ATP8B1: variants seen among roughly 807,000 people sequenced by gnomAD.
ATP8B1 encodes phospholipid-transporting ATPase IC.
A neutral mutation model predicts 149.9 loss-of-function variants in ATP8B1; 80 were observed. The observed-to-expected ratio is 0.53, with a 90% CI of 0.45 to 0.64. The LOEUF (loss-of-function observed/expected upper bound fraction) is 0.64. Ranked by LOEUF, ATP8B1 falls within the 30% of genes least tolerant of loss-of-function variation. The pLI is 0.00. For synonymous variants in ATP8B1, 536 were observed against 562.8 expected (o/e 0.95, Z 0.67); for missense variants, 1,247 against 1,552.6 (o/e 0.80, Z 3.31).
intron 1 of ATP8B1, among the ~76,000 whole-genome samples, chr18:57,776,590 G>A (rs2123396623): frequency 6.6e-6 from 1 of 151,156 alleles, no homozygotes; most frequent in South Asian, 2.1e-4. Flanking sequence ...AAAACAGCAA[G>A]CCCTTTTCTT....
Position 57,691,966 on chromosome 18 carries a change from C to A in ATP8B1, c.1061G>T (p.Gly354Val). 6.2e-7 allele frequency: 1 copy of A among 1,613,914 alleles called. No individual in the cohort carries two copies. The highest frequency in any genetic ancestry group is 8.5e-7 in the Non-Finnish European group (1 of 1,179,982). ...IFVVLILLSA[G>V]LAIGHAYWEA... ...CCAATAAGCATGGCCGATGGCAAGA[C>A]CAGCAGAAAGCAGAATAAGAACAAC... The change falls in exon 12 of 28, where the codon GGT (glycine) becomes GTT (valine). Residue 354 changes from glycine to valine, a missense_variant. Transcript: ENST00000648908.
intron 2 of ATP8B1, among the ~76,000 whole-genome samples, chr18:57,725,450 AC>A (rs1267715349): frequency 6.6e-6 from 1 of 152,212 alleles, no homozygotes; most frequent in African/African-American, 2.4e-5. Flanking sequence ...AAATGTCCAC[AC>A]TGCCCAAAGC....
intron 4 of ATP8B1, among the ~76,000 whole-genome samples, chr18:57,702,586 G>A (rs1005626306): frequency 3.9e-5 from 6 of 152,164 alleles, no homozygotes; most frequent in South Asian, 2.1e-4. Flanking sequence ...CGCCAGGCAC[G>A]GTAGCTCATG....
intron 1 of ATP8B1, among the ~76,000 whole-genome samples, chr18:57,756,799 G>T (rs2080089751): frequency 6.6e-6 from 1 of 152,126 alleles, no homozygotes; most frequent in Non-Finnish European, 1.5e-5. Context: ...ACATCTGGAG[G>T]CACGTGAGGT....
At position 57,695,267 on chromosome 18, in the gene ATP8B1, T is replaced by C; in HGVS notation, c.844A>G (p.Arg282Gly). 6.2e-7 allele frequency: 1 copy of C among 1,613,414 alleles called. No individual in the cohort carries two copies. Among genetic ancestry groups the C allele is most frequent in the Non-Finnish European group, 8.5e-7 (1 of 1,179,360 alleles). The change falls in exon 10 of 28, where the codon AGA (arginine) becomes GGA (glycine). Residue 282 changes from arginine to glycine, a missense_variant. Around this residue, in one of 3 missense-constraint regions of ATP8B1, gnomAD observed 853 missense variants for 1,035.7 expected, o/e 0.82. Transcript: ENST00000648908. ...GCATCCAAAGGAAAACTTGTGTTTC[T>C]CCAAAATAGTGTTCCTGTAAACTTA... is the stretch of plus-strand genomic sequence containing the variant. ...LDKFTGTLFW[R>G]NTSFPLDADK...
chr18:57,729,757 G>T (rs575276088), intron 2 of ATP8B1, among the ~76,000 whole-genome samples: 8 of 151,856 alleles, frequency 5.3e-5, no homozygotes, highest in South Asian at 4.2e-4. Context: ...CACCATGTTG[G>T]TCTGGCTGGT....
At chr18:57,675,044 T>C in intron 15 of ATP8B1, 22 bp from the exon 16 acceptor site, 1 of 1,612,466 alleles carries the variant, frequency 6.2e-7, no homozygotes, top group Non-Finnish European at 8.5e-7. Flanking sequence ...GCGAGAGAAA[T>C]CCCAGAAAAG....
intron 1 of ATP8B1, among the ~76,000 whole-genome samples, chr18:57,751,602 C>T (rs2080020874): frequency 6.6e-6 from 1 of 152,140 alleles, no homozygotes; most frequent in Admixed American, 6.6e-5. Flanking sequence ...AGATTATCTT[C>T]AAAATCTGTT....
At chr18:57,755,911 C>G (rs2080072961) in intron 1 of ATP8B1, among the ~76,000 whole-genome samples, 1 of 152,060 alleles carries the variant, frequency 6.6e-6, no homozygotes, top group Admixed American at 6.6e-5. Flanking sequence ...AGACACCAGG[C>G]TCACTGCTGA....
Position 57,729,549 on chromosome 18 carries a change from CT to C in ATP8B1, c.181+2077del, listed in dbSNP as rs71171074. Among the ~76,000 whole-genome samples the C allele has an allele frequency of 3.5e-3, 418 of 120,714 alleles. 1 individual carries two copies. Among genetic ancestry groups the C allele is most frequent in the African/African-American group, 0.012 (384 of 31,286 alleles). 79.2% of individuals were successfully genotyped at this position (120,714 alleles called of 152,430 possible). A position where few individuals can be genotyped will look rare whatever the true frequency, so the allele number is the denominator to read the frequency against. On this transcript the variant is annotated intron_variant, in intron 2 of 27. Transcript: ENST00000648908. ...GGTGGGAATTCCATTTTCTTTCTTT[CT>C]TTTTTTTTTTTTTTTTTGAGTTGGA...
intron 20 of ATP8B1, among the ~76,000 whole-genome samples, chr18:57,663,055 C>T (rs72942301): frequency 0.2 from 31,153 of 152,034 alleles, 3,660 homozygotes; most frequent in South Asian, 0.28. Context: ...TCTTGCAAAA[C>T]GGAAACTCTA....
chr18:57,756,763 G>T (rs1032397845), intron 1 of ATP8B1, among the ~76,000 whole-genome samples: 1 of 152,070 alleles, frequency 6.6e-6, no homozygotes, highest in Non-Finnish European at 1.5e-5. Context: ...ACATCACATA[G>T]GTGATGCTGC....
intron 16 of ATP8B1, among the ~76,000 whole-genome samples, chr18:57,673,191 T>A (rs1911376399): frequency 6.6e-6 from 1 of 151,536 alleles, no homozygotes; most frequent in African/African-American, 2.4e-5. Context: ...GCCTATAAAA[T>A]AACCAGCCTG....
chr18:57,733,705 CAAAAAAAAA>C (rs141146206), intron 1 of ATP8B1, among the ~76,000 whole-genome samples: 3 of 95,176 alleles, frequency 3.2e-5, no homozygotes, highest in Non-Finnish European at 4.2e-5. Flanking sequence ...GACTCCATCT[CAAAAAAAAA>C]AAAAAAAAAA....
chr18:57,714,627 G>A (rs528413615), intron 2 of ATP8B1, among the ~76,000 whole-genome samples: 88 of 152,198 alleles, frequency 5.8e-4, no homozygotes, highest in African/African-American at 1.9e-3. Flanking sequence ...AAAAAAGAGA[G>A]AGAGAGAGAT....
chr18:57,684,790 A>G (rs1047963717), intron 14 of ATP8B1, among the ~76,000 whole-genome samples: 1 of 152,232 alleles, frequency 6.6e-6, no homozygotes, highest in Non-Finnish European at 1.5e-5. Context: ...GTCATACTCA[A>G]TTAGGGTAGG....
chr18:57,655,483 A>C, intron 22 of ATP8B1, 66 bp from the exon 23 acceptor site: 1 of 1,448,412 alleles, frequency 6.9e-7, no homozygotes, highest in Non-Finnish European at 9.7e-7. Flanking sequence ...ATCAGTTGAT[A>C]AAAATGGTTC....
At position 57,753,709 on chromosome 18, in the gene ATP8B1, C is replaced by A. The variant is rs575083670; in HGVS notation, c.-25-21877G>T. ...TTGGGAGGCTGAGGCGGGCAGATCACCTAAGGTCAGGAGTTCATGACCAGC... is the reference window on the plus strand; with the variant it reads ...TTGGGAGGCTGAGGCGGGCAGATCAACTAAGGTCAGGAGTTCATGACCAGC... On this transcript the variant is annotated intron_variant, in intron 1 of 27. Coordinates refer to ENST00000648908, the MANE Select transcript of ATP8B1 (RefSeq NM_001374385.1). Among the ~76,000 whole-genome samples, 99 of 151,952 alleles carry A rather than the reference C, an allele frequency of 6.5e-4. 1 individual carries two copies. The highest frequency in any genetic ancestry group is 2.3e-3 in the African/African-American group (94 of 41,504).
intron 2 of ATP8B1, among the ~76,000 whole-genome samples, chr18:57,722,267 T>G (rs1415587049): frequency 1.4e-5 from 2 of 147,330 alleles, no homozygotes; most frequent in African/African-American, 4.9e-5. Context: ...CTGAAGGAAA[T>G]AGAGACACAA....
Sources: gnomAD v4.1 joint callset for allele counts (sites outside exome capture counted in the v4.1 genomes callset) on GRCh38, gnomAD v4.1.1 for gene constraint, gnomAD v4.1.1 regional missense constraint, MANE v1.5 for transcripts, NCBI Gene and HGNC (gene_info 2026-07-23, HGNC 2026-07-21) for gene names.